The following DNLZ variants were observed in gnomAD, a reference collection of about 807,000 sequenced individuals.
DNLZ encodes the protein DNL-type zinc finger protein.
In DNLZ, 15 loss-of-function variants were observed where a neutral mutation model predicts 7.8. The ratio of observed to expected loss-of-function variants is 1.91; its 90% CI spans 1.28 to 2.95. The LOEUF is 2.95. Among genes scored for constraint, DNLZ ranks in the 30% most tolerant of loss-of-function variants. The pLI, the probability that DNLZ is intolerant of heterozygous loss-of-function variation, is 0.00. For missense variants in DNLZ, 255 were observed against 167.3 expected, an observed-to-expected ratio of 1.52 and a Z score of -2.89; for synonymous variants, 123 against 77.8, an observed-to-expected ratio of 1.58 and a Z score of -3.05.
chr9:136,362,959 T>C (rs10870202), intron 2 of DNLZ, 30 bp downstream of exon 2: 788,402 of 1,608,724 alleles, frequency 0.49, 195,881 homozygotes, highest in Admixed American at 0.58. Context: ...TGGGTGGCCT[T>C]CTGGCCCAGC....
chr9:136,363,424 C>G, intron 1 of DNLZ, 63 bp downstream of exon 1: 1 of 760,916 alleles, frequency 1.3e-6, no homozygotes, highest in Non-Finnish European at 2.4e-6. Context: ...GGCCGCTTCT[C>G]CCCGCAGGCC....
Position 136,362,084 on chromosome 9 carries a change from G to T in DNLZ, c.465C>A (p.Pro155=). The T allele has an allele frequency of 6.9e-7, 1 of 1,457,256 alleles. No individual in the cohort carries two copies. The allele number at this position is 1,457,256 out of a possible 1,614,324, so 90.3% of individuals were successfully genotyped here. ...CCGCTTCCGGAGCTGCAGTGGATGT[G>T]GGGGCCCCTGCAGCCTCCAGAACCA... ...LELVLEAAGA[P]TSTAAPEAGE... Residue 155 remains proline, a synonymous_variant, in exon 3 of 3, where the codon CCC becomes CCA. Transcript: ENST00000371738.
At position 136,363,744 on chromosome 9, in the gene DNLZ, C is replaced by T. The variant is rs1236931691; in HGVS notation, c.-30G>A. 5 of 483,040 alleles carry T rather than the reference C, an allele frequency of 1.0e-5. No individual in the cohort carries two copies. The highest frequency in any genetic ancestry group is 4.5e-5 in the Admixed American group (1 of 22,100). 29.9% of individuals were successfully genotyped at this position (483,040 alleles called of 1,614,324 possible). A position where few individuals can be genotyped will look rare whatever the true frequency, so the allele number is the denominator to read the frequency against. On this transcript the variant is annotated 5_prime_UTR_variant, in exon 1 of 3. Coordinates refer to ENST00000371738, the MANE Select transcript of DNLZ (RefSeq NM_001080849.3). ...CTCGCCGGCTCCGTCCGCCCTGCCC[C>T]GGCCCCGCCCCGCCGCCATCTTGGA...
chr9:136,362,924 T>A, intron 2 of DNLZ, 65 bp downstream of exon 2: 2 of 1,518,768 alleles, frequency 1.3e-6, no homozygotes, highest in Non-Finnish European at 1.8e-6. Flanking sequence ...AGGGCAAGGT[T>A]CCCCCAGGGA....
chr9:136,363,168 C>A, intron 1 of DNLZ, 40 bp from the exon 2 acceptor site: 1 of 1,605,954 alleles, frequency 6.2e-7, no homozygotes, highest in African/African-American at 1.3e-5. Context: ...GTGAGGGCCG[C>A]CACGCCCCTC....
rs1833024462 is a variant in DNLZ, at chr9:136,363,501, C to T, written c.214G>A (p.Val72Ile). The stretch of plus-strand genomic sequence containing the variant: ...CGCGCGCCTACCTTGCAGGTGTAGA[C>T]GAGCTGGTAGTGCGCCGCCTCCACG... ...GRVEAAHYQL[V>I]YTCKVCGTRS... The change falls in exon 1 of 3, where the codon GTC becomes ATC. Residue 72 changes from valine (V) to isoleucine (I), a missense_variant. By Grantham distance (29) the Val-to-Ile change is conservative. Coordinates refer to ENST00000371738, the MANE Select transcript of DNLZ (RefSeq NM_001080849.3). 1.3e-6 allele frequency: 1 copy of T among 759,100 alleles called. No homozygotes were observed. The highest frequency in any genetic ancestry group is 2.4e-6 in the Non-Finnish European group (1 of 415,646). 47.0% of individuals were successfully genotyped at this position (759,100 alleles called of 1,614,324 possible).
In DNLZ at chr9:136,361,952, C is replaced by A; in HGVS notation, c.*60G>T. 8.2e-7 allele frequency: 1 copy of A among 1,212,154 alleles called. No homozygotes were observed. The allele number at this position is 1,212,154 out of a possible 1,614,324, so 75.1% of individuals were successfully genotyped here. On this transcript the variant is annotated 3_prime_UTR_variant, in exon 3 of 3. Coordinates refer to ENST00000371738, the MANE Select transcript of DNLZ (RefSeq NM_001080849.3). ...AGAAAACAGGCCACGTCCAGAGAGG[C>A]CCAGGGCCAAAACCTCCTTCTGGAA... is the stretch of plus-strand genomic sequence containing the variant.
chr9:136,360,300 A>G lies in DNLZ; in HGVS notation c.*1712T>C, dbSNP rs555062435. 1.3e-5 allele frequency: 2 copies of G among 152,376 alleles called. No homozygotes were observed. The highest frequency in any genetic ancestry group is 1.9e-4 in the East Asian group (1 of 5,164). 9.4% of individuals were successfully genotyped at this position (152,376 alleles called of 1,614,324 possible). On this transcript the variant is annotated 3_prime_UTR_variant, in exon 3 of 3. Coordinates refer to ENST00000371738, the MANE Select transcript of DNLZ (RefSeq NM_001080849.3). ...TGGTGGTACACGCACACAGGGTCCA[A>G]GTAACCGTGCAGGGCCCAGGACCGC...
Position 136,361,428 on chromosome 9 carries a change from G to A in DNLZ, c.*584C>T, listed in dbSNP as rs985381518. On this transcript the variant is annotated 3_prime_UTR_variant, in exon 3 of 3. Coordinates refer to ENST00000371738, the MANE Select transcript of DNLZ (RefSeq NM_001080849.3). The stretch of plus-strand genomic sequence containing the variant: ...GGACGTCCAGAGCGCTGTCCACCGA[G>A]GGAAGGAGGCCCAGGTGGCTCCCCC... The A allele has an allele frequency of 6.6e-6, 1 of 152,362 alleles. No individual in the cohort carries two copies. The highest frequency in any genetic ancestry group is 2.4e-5 in the African/African-American group (1 of 41,476). The allele number at this position is 152,362 out of a possible 1,614,324, so 9.4% of individuals were successfully genotyped here.
chr9:136,363,135 G>A lies in DNLZ; in HGVS notation c.229-7C>T, dbSNP rs774578765. ...AGGACCTAGTCCCGCAGACCTGGCT[G>A]GGACAGGGTAGCTGGTGAGGCTGTG... is the stretch of plus-strand genomic sequence containing the variant. On this transcript the variant is annotated splice_region_variant and splice_polypyrimidine_tract_variant and intron_variant, in intron 1 of 2. Transcript: ENST00000371738. The A allele has an allele frequency of 6.2e-6, 10 of 1,612,774 alleles. No individual in the cohort carries two copies. The highest frequency in any genetic ancestry group is 2.7e-5 in the African/African-American group (2 of 74,936).
At chr9:136,362,802 A>G (rs1400156922) in intron 2 of DNLZ, among the ~76,000 whole-genome samples, 187 bp downstream of exon 2, 1 of 152,238 alleles carries the variant, frequency 6.6e-6, no homozygotes, top group Non-Finnish European at 1.5e-5. Flanking sequence ...TACTTGGGGC[A>G]TACTTAAACT....
chr9:136,363,057 G>T lies in DNLZ; in HGVS notation c.300C>A (p.Cys100Ter). ...TGATATGGTGGTTCTGGCAGCCGGG[G>T]CAGGTCACAATGACCACGCCTTGGT... ...AYHQGVVIVT[C>*]PGCQNHHIIA... The change falls in exon 2 of 3, where the codon TGC becomes TGA. Residue 100 changes from cysteine (C) to a stop codon, truncating the protein, a stop_gained. Transcript: ENST00000371738. LOFTEE classifies it high-confidence loss of function. 6.2e-7 allele frequency: 1 copy of T among 1,613,798 alleles called. No homozygotes were observed. The highest frequency in any genetic ancestry group is 8.5e-7 in the Non-Finnish European group (1 of 1,179,980).
chr9:136,363,725 G>A lies in DNLZ; in HGVS notation c.-11C>T, dbSNP rs372541651. The A allele has an allele frequency of 7.7e-4, 310 of 403,370 alleles. 4 individuals carry two copies. The East Asian group carries it at 0.01, about 13-fold the overall frequency. The allele number at this position is 403,370 out of a possible 1,614,324, so 25.0% of individuals were successfully genotyped here. ...CGCAGTCCGCAGCATCCCGCTCGCCGGCTCCGTCCGCCCTGCCCCGGCCCC... is the reference window on the plus strand; with the variant it reads ...CGCAGTCCGCAGCATCCCGCTCGCCAGCTCCGTCCGCCCTGCCCCGGCCCC... On this transcript the variant is annotated 5_prime_UTR_variant, in exon 1 of 3. Coordinates refer to ENST00000371738, the MANE Select transcript of DNLZ (RefSeq NM_001080849.3).
In DNLZ at chr9:136,363,471, C is replaced by A. The variant is rs1379480156; in HGVS notation, c.228+16G>T. 1 of 762,300 alleles carries A rather than the reference C, an allele frequency of 1.3e-6. No individual in the cohort carries two copies. Among genetic ancestry groups the A allele is most frequent in the Non-Finnish European group, 2.4e-6 (1 of 416,880 alleles). The allele number at this position is 762,300 out of a possible 1,614,324, so 47.2% of individuals were successfully genotyped here. A position where few individuals can be genotyped will look rare whatever the true frequency, so the allele number is the denominator to read the frequency against. On this transcript the variant is annotated intron_variant, in intron 1 of 2. Coordinates refer to ENST00000371738, the MANE Select transcript of DNLZ (RefSeq NM_001080849.3). ...GATACGGGTCTGTCCCCGGTTCCGT[C>A]CCGCCGCGCGCCTACCTTGCAGGTG...
At chr9:136,362,224 C>T (rs1259577718) in intron 2 of DNLZ, 44 bp from the exon 3 acceptor site, 16 of 1,437,382 alleles carry the variant, frequency 1.1e-5, no homozygotes, top group South Asian at 3.0e-5. Context: ...GCCCCCCAGC[C>T]GCCCTGCACT....
rs149800250 is a variant in DNLZ, at chr9:136,359,644, G to GT, written c.*2367dup. The GT allele has an allele frequency of 1.4e-4, 22 of 152,490 alleles. No homozygotes were observed. In the East Asian group the frequency reaches 4.1e-3, roughly 29 times the overall value. 9.4% of individuals were successfully genotyped at this position (152,490 alleles called of 1,614,324 possible). On this transcript the variant is annotated 3_prime_UTR_variant, in exon 3 of 3. Coordinates refer to ENST00000371738, the MANE Select transcript of DNLZ (RefSeq NM_001080849.3). ...TAGTCCCGGGTGGGGGCCTAACCCG[G>GT]TAAGAGGCTGCACTGTGCAAAGTGT...
In DNLZ at chr9:136,363,612, C is replaced by T. The variant is rs1490118679; in HGVS notation, c.103G>A (p.Val35Ile). The T allele has an allele frequency of 1.9e-6, 1 of 516,392 alleles. No individual in the cohort carries two copies. Among genetic ancestry groups the T allele is most frequent in the South Asian group, 2.5e-5 (1 of 39,406 alleles). The allele number at this position is 516,392 out of a possible 1,614,324, so 32.0% of individuals were successfully genotyped here. A position where few individuals can be genotyped will look rare whatever the true frequency, so the allele number is the denominator to read the frequency against. Residue 35 changes from valine (V) to isoleucine (I), a missense_variant, in exon 1 of 3, where the codon GTC becomes ATC. By Grantham distance (29) the Val-to-Ile change is conservative. Transcript: ENST00000371738. ...GCCCAGGCCCGCCGCCTCCCCGCGA[C>T]CTCTGGACGGGCCCCGCGGCCCCAC... ...RLWGRGARPE[V>I]AGRRRAWAWG...
chr9:136,363,000 C>T lies in DNLZ; in HGVS notation c.357G>A (p.Leu119=), dbSNP rs753098065. ...IADNLGWFSD[L]NGKRNIEEIL... is the part of the protein sequence containing the mutation. ...GGTACAGGCCTCACCTCTTCCCATTCAGGTCCGAGAACCAGCCCAGGTTGT... is the reference window on the plus strand; with the variant it reads ...GGTACAGGCCTCACCTCTTCCCATTTAGGTCCGAGAACCAGCCCAGGTTGT... Residue 119 remains leucine (L), a synonymous_variant, in exon 2 of 3, where the codon CTG becomes CTA. Coordinates refer to ENST00000371738, the MANE Select transcript of DNLZ (RefSeq NM_001080849.3). 5 of 1,613,748 alleles carry T rather than the reference C, an allele frequency of 3.1e-6. No individual in the cohort carries two copies. The East Asian group carries it at 1.1e-4, about 36-fold the overall frequency.
At position 136,362,005 on chromosome 9, in the gene DNLZ, G is replaced by A. The variant is rs373680052; in HGVS notation, c.*7C>T. On this transcript the variant is annotated 3_prime_UTR_variant, in exon 3 of 3. Transcript: ENST00000371738. Reference sequence around the variant, plus strand: ...CCGAAGTCCCACAGTGCCGGGGAGCGCAGGAGTCAGCTCGGCTCCGTCTTG... The same window carrying A: ...CCGAAGTCCCACAGTGCCGGGGAGCACAGGAGTCAGCTCGGCTCCGTCTTG... The A allele has an allele frequency of 3.4e-4, 442 of 1,300,160 alleles. No individual in the cohort carries two copies. The highest frequency in any genetic ancestry group is 4.1e-4 in the Non-Finnish European group (421 of 1,015,334). The allele number at this position is 1,300,160 out of a possible 1,614,324, so 80.5% of individuals were successfully genotyped here.
Sources: gnomAD v4.1 joint callset for allele counts (sites outside exome capture counted in the v4.1 genomes callset) on GRCh38, gnomAD v4.1.1 for gene constraint, MANE v1.5 for transcripts, NCBI Gene and HGNC (gene_info 2026-07-23, HGNC 2026-07-21) for gene names.